Variants in C1orf87 observed in about 807,000 individuals in gnomAD.
C1orf87 encodes the protein chromosome 1 open reading frame 87.
Under a neutral mutation model 60.5 loss-of-function variants are expected in C1orf87, and 58 were observed. That is an observed-to-expected ratio of 0.96 (90% CI 0.78 to 1.19). C1orf87 has a LOEUF of 1.19. C1orf87 is among the 50% of genes most tolerant of loss of function. The probability of loss-of-function intolerance (pLI) is 0.00; values close to 1 mark genes in which losing one functional copy is unlikely to be tolerated. For synonymous variants in C1orf87, 236 were observed against 227.4 expected (o/e 1.04, Z -0.34); for missense variants, 673 against 638.6 (o/e 1.05, Z -0.58).
At chr1:60,015,839 C>T (rs1242577215) in intron 8 of C1orf87, among the ~76,000 whole-genome samples, 1 of 152,280 alleles carries the variant, frequency 6.6e-6, no homozygotes, top group East Asian at 1.9e-4. Context: ...ACAAACTCTA[C>T]CTCCTAGGTT....
chr1:60,033,359 A>G (rs760066863), intron 7 of C1orf87, 117 bp downstream of exon 7: 32 of 934,548 alleles, frequency 3.4e-5, no homozygotes, highest in Non-Finnish European at 4.8e-5. Context: ...AAAACAAACA[A>G]CTGTGTAATG....
At chr1:60,038,230 A>G (rs1445477538) in intron 5 of C1orf87, 123 bp from the exon 6 acceptor site, 7 of 519,222 alleles carry the variant, frequency 1.3e-5, no homozygotes, top group African/African-American at 3.8e-5. Context: ...ACTTAAAAAT[A>G]TAGTATCATA....
intron 3 of C1orf87, among the ~76,000 whole-genome samples, chr1:60,045,770 T>G (rs1320393213): frequency 1.3e-5 from 2 of 152,172 alleles, no homozygotes; most frequent in Non-Finnish European, 2.9e-5. Context: ...ACCCACTAAA[T>G]AGAAATTTGT....
chr1:60,010,371 C>A, intron 9 of C1orf87, 21 bp downstream of exon 9: 1 of 1,605,932 alleles, frequency 6.2e-7, no homozygotes, highest in Non-Finnish European at 8.5e-7. Flanking sequence ...CTCTCTGGAG[C>A]AAAAAAATAA....
intron 2 of C1orf87, among the ~76,000 whole-genome samples, chr1:60,068,367 CT>C (rs1645562923): frequency 6.6e-6 from 1 of 152,176 alleles, no homozygotes; most frequent in South Asian, 2.1e-4. Flanking sequence ...GGCTTGTCAG[CT>C]TTCTGCTAAC....
chr1:60,006,499 A>G (rs1044736026), intron 9 of C1orf87, among the ~76,000 whole-genome samples: 1 of 151,998 alleles, frequency 6.6e-6, no homozygotes, highest in African/African-American at 2.4e-5. Context: ...GGTCTTCAAG[A>G]AATGTTTGAG....
chr1:60,041,126 G>T lies in C1orf87; in HGVS notation c.348C>A (p.Pro116=), dbSNP rs527415163. The T allele has an allele frequency of 1.9e-6, 3 of 1,574,864 alleles. No individual in the cohort carries two copies. Among genetic ancestry groups the T allele is most frequent in the East Asian group, 4.6e-5 (2 of 43,750 alleles). Residue 116 remains proline, a synonymous_variant, in exon 4 of 12, where the codon CCC becomes CCA. Coordinates refer to ENST00000371201, the MANE Select transcript of C1orf87 (RefSeq NM_152377.3). ...AGCTGCAGTGGACATTTGCTTGACT[G>T]GGAATCTTAACAGAACAAGGACAAA... ...NSSRFLDGNI[P]SQANVHCSSV...
At chr1:60,059,995 G>C (rs1645483848) in intron 2 of C1orf87, among the ~76,000 whole-genome samples, 1 of 151,838 alleles carries the variant, frequency 6.6e-6, no homozygotes, top group Admixed American at 6.6e-5. Context: ...AGCTGAAAAA[G>C]CTCACCAAAC....
intron 5 of C1orf87, among the ~76,000 whole-genome samples, chr1:60,038,892 G>A (rs1222873274): frequency 6.6e-6 from 1 of 152,184 alleles, no homozygotes; most frequent in Non-Finnish European, 1.5e-5. Context: ...GCAGAGTGGT[G>A]AGCAGTGGGA....
intron 3 of C1orf87, among the ~76,000 whole-genome samples, chr1:60,047,621 A>G (rs777262178): frequency 7.9e-5 from 12 of 152,184 alleles, no homozygotes; most frequent in Non-Finnish European, 1.5e-4. Flanking sequence ...TACATTTTTA[A>G]AAAGAGTTCA....
intron 2 of C1orf87, among the ~76,000 whole-genome samples, chr1:60,069,650 C>T (rs1249018832): frequency 2.0e-5 from 3 of 152,154 alleles, no homozygotes; most frequent in Admixed American, 6.5e-5. Flanking sequence ...GAGCTCCATT[C>T]CAGTCTTAGA....
chr1:59,996,286 T>G (rs4915847), intron 11 of C1orf87, among the ~76,000 whole-genome samples: 39,547 of 152,038 alleles, frequency 0.26, 5,518 homozygotes, highest in East Asian at 0.48. Flanking sequence ...AAATAAGACA[T>G]TTTGGGACCA....
At chr1:60,031,584 G>A (rs746844729) in intron 7 of C1orf87, among the ~76,000 whole-genome samples, 1 of 152,158 alleles carries the variant, frequency 6.6e-6, no homozygotes, top group Non-Finnish European at 1.5e-5. Context: ...ATAAGAAGGA[G>A]AGGAAGCATA....
At chr1:60,000,111 C>T (rs897018390) in intron 10 of C1orf87, among the ~76,000 whole-genome samples, 3 of 152,056 alleles carry the variant, frequency 2.0e-5, no homozygotes, top group African/African-American at 7.2e-5. Flanking sequence ...GGCTGGCACA[C>T]AGTAGGTTGT....
At chr1:60,068,710 C>T (rs1645565153) in intron 2 of C1orf87, among the ~76,000 whole-genome samples, 1 of 152,198 alleles carries the variant, frequency 6.6e-6, no homozygotes, top group Non-Finnish European at 1.5e-5. Flanking sequence ...TTAGTCAATG[C>T]ATACTTACTC....
intron 3 of C1orf87, among the ~76,000 whole-genome samples, chr1:60,041,792 T>A (rs957600839): frequency 6.6e-6 from 1 of 152,166 alleles, no homozygotes; most frequent in African/African-American, 2.4e-5. Flanking sequence ...TGCTAATACA[T>A]CTTTCATATG....
intron 3 of C1orf87, among the ~76,000 whole-genome samples, chr1:60,051,611 A>T (rs1468403067): frequency 6.6e-6 from 1 of 152,124 alleles, no homozygotes; most frequent in Non-Finnish European, 1.5e-5. Flanking sequence ...AGCATAAATG[A>T]TTATTGTTAT....
At chr1:60,029,857 T>A (rs1386529246) in intron 7 of C1orf87, among the ~76,000 whole-genome samples, 1 of 151,972 alleles carries the variant, frequency 6.6e-6, no homozygotes, top group Non-Finnish European at 1.5e-5. Context: ...GCCAGGATGG[T>A]CTCCATCTGT....
intron 2 of C1orf87, among the ~76,000 whole-genome samples, chr1:60,064,353 A>C (rs986459471): frequency 3.6e-4 from 51 of 142,194 alleles, no homozygotes; most frequent in African/African-American, 1.3e-3. Flanking sequence ...TAATATATGT[A>C]ATATATAATA....
Sources: allele counts gnomAD v4.1 joint callset (sites outside exome capture counted in the v4.1 genomes callset), GRCh38; gene constraint gnomAD v4.1.1; transcripts MANE v1.5; gene names NCBI Gene and HGNC (gene_info 2026-07-23, HGNC 2026-07-21).